Variants in RANBP2 observed in about 807,000 individuals in gnomAD.
The protein encoded by RANBP2 is E3 SUMO-protein ligase RanBP2.
Under a neutral mutation model 303.6 loss-of-function variants are expected in RANBP2, and 57 were observed. The observed-to-expected ratio is 0.19, with a 90% confidence interval of 0.15 to 0.23. RANBP2 has a LOEUF of 0.23. Among genes scored for constraint, RANBP2 ranks in the 10% least tolerant of loss-of-function variants. The probability of loss-of-function intolerance (pLI) is 1.00; values close to 1 mark genes in which losing one functional copy is unlikely to be tolerated. For synonymous variants in RANBP2, 1,167 were observed against 1,301.5 expected, an observed-to-expected ratio of 0.90 and a Z score of 2.23; for missense variants, 3,138 against 3,780.8, an observed-to-expected ratio of 0.83 and a Z score of 4.46.
At chr2:109,453,161 G>C in the RANBP2 span, among the ~76,000 whole-genome samples, 1 of 152,200 alleles carries the variant, frequency 6.6e-6, no homozygotes, top group African/African-American at 2.4e-5. Context: ...ACCCATTCCT[G>C]AACCAGAGCT....
the RANBP2 span, among the ~76,000 whole-genome samples, chr2:109,369,795 T>A: frequency 6.6e-6 from 1 of 152,118 alleles, no homozygotes; most frequent in African/African-American, 2.4e-5. Context: ...TACGGCCCCC[T>A]CCGCTCCCGG....
the RANBP2 span, among the ~76,000 whole-genome samples, chr2:109,026,297 C>CTTTTTTTTTTTT: frequency 0.025 from 2,318 of 93,294 alleles, 237 homozygotes; most frequent in East Asian, 0.067. Context: ...CCATGCCTAG[C>CTTTTTTTTTTTT]TTTTTTTTTT....
At chr2:109,724,433 T>C in the RANBP2 span, among the ~76,000 whole-genome samples, 1 of 152,228 alleles carries the variant, frequency 6.6e-6, no homozygotes, top group Admixed American at 6.5e-5. Flanking sequence ...TTGTGTTCTC[T>C]CTGATTTCCT....
rs1368606472 is a variant in RANBP2, at chr2:108,764,800, TGTA to T, written c.4265_4267del (p.Ser1422del). On this transcript the variant is annotated inframe_deletion, in exon 20 of 29. Transcript: ENST00000283195. Reference sequence around the variant, plus strand: ...TCCAAAGAAAGAAGGTCACTGGGATTGTAGTATTTGTTTAGTAAGAAATGAACC... The same window carrying T: ...TCCAAAGAAAGAAGGTCACTGGGATTGTATTTGTTTAGTAAGAAATGAACC... 1 of 1,613,980 alleles carries T rather than the reference TGTA, an allele frequency of 6.2e-7. No homozygotes were observed. The highest frequency in any genetic ancestry group is 1.3e-5 in the African/African-American group (1 of 74,918).
chr2:109,162,537 C>T, the RANBP2 span, among the ~76,000 whole-genome samples: 1 of 152,122 alleles, frequency 6.6e-6, no homozygotes, highest in Admixed American at 6.5e-5. Context: ...TAACATTAGT[C>T]CCTACAAAGG....
the RANBP2 span, among the ~76,000 whole-genome samples, chr2:108,935,974 G>A: frequency 6.6e-6 from 1 of 152,146 alleles, no homozygotes; most frequent in Non-Finnish European, 1.5e-5. Flanking sequence ...TTGTCATCAC[G>A]GCTGCCTCCA....
intron 3 of RANBP2, 95 bp from the exon 4 acceptor site, chr2:108,731,227 G>A (rs1425308441): frequency 2.0e-6 from 3 of 1,508,466 alleles, no homozygotes; most frequent in Admixed American, 2.3e-5. Context: ...AAGGGTTGGA[G>A]TGATAATTTT....
the RANBP2 span, chr2:108,896,584 T>G: frequency 3.3e-6 from 1 of 303,374 alleles, no homozygotes; most frequent in Non-Finnish European, 6.2e-6. Context: ...TCCCACGGGG[T>G]TTGATTCATT....
the RANBP2 span, chr2:109,613,887 C>T: frequency 1.1e-5 from 13 of 1,221,240 alleles, no homozygotes; most frequent in African/African-American, 6.3e-5. Context: ...CGGCTGGTCC[C>T]GGCGACGGCG....
At chr2:109,120,767 G>A in the RANBP2 span, among the ~76,000 whole-genome samples, 11 of 152,010 alleles carry the variant, frequency 7.2e-5, no homozygotes, top group African/African-American at 1.9e-4. Context: ...CAAGAGGTAC[G>A]GGGAGGAGGG....
the RANBP2 span, among the ~76,000 whole-genome samples, chr2:109,454,784 A>G: frequency 2.0e-5 from 3 of 152,122 alleles, no homozygotes; most frequent in African/African-American, 7.2e-5. Context: ...ACTTAATTCA[A>G]AAACATCTCG....
the RANBP2 span, chr2:109,553,299 C>A: frequency 6.9e-7 from 1 of 1,453,396 alleles, no homozygotes; most frequent in Non-Finnish European, 9.4e-7. Flanking sequence ...AATCCCAACA[C>A]TTTGGGAGGC....
At chr2:109,129,791 G>A in the RANBP2 span, 61 of 1,539,120 alleles carry the variant, frequency 4.0e-5, no homozygotes, top group Non-Finnish European at 5.2e-5. Flanking sequence ...TGCCTGGAGA[G>A]CATCGTGTGC....
chr2:108,829,353 T>C, the RANBP2 span, among the ~76,000 whole-genome samples: 1 of 152,174 alleles, frequency 6.6e-6, no homozygotes, highest in African/African-American at 2.4e-5. Flanking sequence ...TCTCCAAAGA[T>C]AAAGAAATGG....
chr2:109,198,723 G>T, the RANBP2 span, among the ~76,000 whole-genome samples: 1 of 152,108 alleles, frequency 6.6e-6, no homozygotes, highest in Non-Finnish European at 1.5e-5. Context: ...ATTCGTGAAG[G>T]TTCCACCCTC....
chr2:109,616,259 TACCTTG>T, the RANBP2 span: 5 of 841,604 alleles, frequency 5.9e-6, no homozygotes, highest in African/African-American at 8.8e-5. Flanking sequence ...AGATTCATCA[TACCTTG>T]ACCTGTACCT....
chr2:109,018,126 C>T, the RANBP2 span, among the ~76,000 whole-genome samples: 2 of 152,286 alleles, frequency 1.3e-5, no homozygotes, highest in South Asian at 2.1e-4. Context: ...TTAGAATGAA[C>T]AAAGACAGAG....
chr2:109,494,820 A>G, the RANBP2 span, among the ~76,000 whole-genome samples: 1 of 152,086 alleles, frequency 6.6e-6, no homozygotes, highest in Non-Finnish European at 1.5e-5. Context: ...ACTCCTCCAG[A>G]TCTCAACCAT....
At chr2:109,063,406 CA>C in the RANBP2 span, among the ~76,000 whole-genome samples, 1 of 152,198 alleles carries the variant, frequency 6.6e-6, no homozygotes, top group Admixed American at 6.5e-5. Context: ...TCCACATCAG[CA>C]GCGCCTGGCT....
Sources: gnomAD v4.1 joint callset for allele counts (sites outside exome capture counted in the v4.1 genomes callset) on GRCh38, gnomAD v4.1.1 for gene constraint, MANE v1.5 for transcripts, NCBI Gene and HGNC (gene_info 2026-07-23, HGNC 2026-07-21) for gene names.